The following LARGE1 variants were observed in gnomAD, a reference collection of about 807,000 sequenced individuals.
LARGE1 encodes the protein LARGE xylosyl- and glucuronyltransferase 1, also known as xylosyl- and glucuronyltransferase LARGE1.
LARGE1 carries 43 observed loss-of-function variants against 87.6 expected under a neutral mutation model. The observed-to-expected ratio is 0.49, with a 90% CI of 0.38 to 0.63. The LOEUF is 0.63. Among genes scored for constraint, LARGE1 ranks in the 30% least tolerant of loss-of-function variants. LARGE1 has a pLI of 0.00. For missense variants in LARGE1, 802 were observed against 1,000.2 expected (o/e 0.80, Z 2.67); for synonymous variants, 434 against 394.6 (o/e 1.10, Z -1.18).
intron 4 of LARGE1, among the ~76,000 whole-genome samples, chr22:33,611,806 T>C (rs979007057): frequency 7.2e-5 from 11 of 152,190 alleles, no homozygotes; most frequent in Non-Finnish European, 1.5e-5. Context: ...AGGTGGAGCC[T>C]GGTGGAAGAT....
chr22:33,488,382 A>C (rs908890117), intron 6 of LARGE1, among the ~76,000 whole-genome samples: 3 of 152,230 alleles, frequency 2.0e-5, no homozygotes, highest in African/African-American at 7.2e-5. Context: ...AGGAGAAATA[A>C]GAGAAAAGTG....
intron 6 of LARGE1, among the ~76,000 whole-genome samples, chr22:33,517,029 C>A (rs2071341960): frequency 6.6e-6 from 1 of 152,112 alleles, no homozygotes; most frequent in Admixed American, 6.5e-5. Context: ...TCTTTGTTAT[C>A]TACATTAAAA....
intron 14 of LARGE1, among the ~76,000 whole-genome samples, chr22:33,276,639 C>T (rs566981096): frequency 6.6e-6 from 1 of 152,314 alleles, no homozygotes; most frequent in Admixed American, 6.5e-5. Flanking sequence ...ATGATGGATG[C>T]ATCTATTAAT....
intron 11 of LARGE1, among the ~76,000 whole-genome samples, chr22:33,314,416 T>C (rs1569044868): frequency 6.6e-6 from 1 of 152,172 alleles, no homozygotes; most frequent in Admixed American, 6.5e-5. Context: ...TCATTCCACG[T>C]TGCCTCCAGC....
intron 1 of LARGE1, among the ~76,000 whole-genome samples, chr22:33,774,990 T>C (rs574286591): frequency 6.6e-6 from 1 of 152,186 alleles, no homozygotes; most frequent in South Asian, 2.1e-4. Flanking sequence ...CAGCAGGAGT[T>C]AGTGGCAGCA....
intron 1 of LARGE1, among the ~76,000 whole-genome samples, chr22:33,908,294 C>T (rs1021963384): frequency 7.9e-5 from 12 of 152,104 alleles, no homozygotes; most frequent in African/African-American, 1.7e-4. Context: ...CAGGTTACGG[C>T]GCAGAAAGTG....
At chr22:33,190,984 C>A (rs1923746189) in intron 11 of LARGE1, among the ~76,000 whole-genome samples, 1 of 152,166 alleles carries the variant, frequency 6.6e-6, no homozygotes, top group Admixed American at 6.5e-5. Context: ...TTATCACAGC[C>A]CTTAGCATTA....
At chr22:33,824,529 A>G (rs932784294) in intron 1 of LARGE1, among the ~76,000 whole-genome samples, 4 of 152,154 alleles carry the variant, frequency 2.6e-5, no homozygotes, top group African/African-American at 9.7e-5. Context: ...GGGGATTACA[A>G]TTTGACAAGA....
intron 2 of LARGE1, among the ~76,000 whole-genome samples, chr22:33,754,097 T>C (rs1414924877): frequency 6.6e-6 from 1 of 152,036 alleles, no homozygotes; most frequent in Admixed American, 6.6e-5. Flanking sequence ...GTCATCTTTG[T>C]AACCATCTCA....
intron 11 of LARGE1, among the ~76,000 whole-genome samples, chr22:33,243,870 A>G (rs1926632222): frequency 6.6e-6 from 1 of 152,222 alleles, no homozygotes; most frequent in African/African-American, 2.4e-5. Context: ...GGACTTACCC[A>G]TGGAGCCCAT....
intron 2 of LARGE1, among the ~76,000 whole-genome samples, chr22:33,716,283 A>C (rs2082905471): frequency 6.6e-6 from 1 of 152,244 alleles, no homozygotes; most frequent in Non-Finnish European, 1.5e-5. Context: ...ATACTAAAAA[A>C]ATTGGCCATT....
chr22:33,797,916 A>C (rs1278962905), intron 1 of LARGE1, among the ~76,000 whole-genome samples: 1 of 152,246 alleles, frequency 6.6e-6, no homozygotes, highest in Non-Finnish European at 1.5e-5. Flanking sequence ...CATAATCCTA[A>C]TGCACAGAGG....
At chr22:33,866,315 G>A (rs1389732591) in intron 1 of LARGE1, among the ~76,000 whole-genome samples, 1 of 152,188 alleles carries the variant, frequency 6.6e-6, no homozygotes, top group African/African-American at 2.4e-5. Flanking sequence ...CAGTATGGGA[G>A]TCACAACCCA....
chr22:33,837,914 C>T (rs1335292600), intron 1 of LARGE1, among the ~76,000 whole-genome samples: 3 of 152,194 alleles, frequency 2.0e-5, no homozygotes, highest in Admixed American at 6.5e-5. Flanking sequence ...GAACACGGGC[C>T]AGCAAAATTT....
chr22:33,432,595 T>TG (rs2067118741), intron 6 of LARGE1, among the ~76,000 whole-genome samples: 21 of 147,236 alleles, frequency 1.4e-4, no homozygotes, highest in South Asian at 8.8e-4. Context: ...ATTCATTCAT[T>TG]CATGCATGCA....
At chr22:33,069,178 T>C in the LARGE1 span, among the ~76,000 whole-genome samples, 2 of 152,110 alleles carry the variant, frequency 1.3e-5, no homozygotes, top group African/African-American at 4.8e-5. Context: ...GCAGAAGCCA[T>C]TTAGACGCCA....
chr22:33,652,792 T>C (rs2080858907), intron 2 of LARGE1, among the ~76,000 whole-genome samples: 1 of 152,192 alleles, frequency 6.6e-6, no homozygotes, highest in Non-Finnish European at 1.5e-5. Context: ...GGCTTTTTGA[T>C]GTATCTTTGG....
At chr22:33,178,429 A>G (rs985871158) in intron 11 of LARGE1, among the ~76,000 whole-genome samples, 1 of 152,170 alleles carries the variant, frequency 6.6e-6, no homozygotes, top group Non-Finnish European at 1.5e-5. Flanking sequence ...ATACTCATGA[A>G]GAAAGGCACT....
Position 33,227,930 on chromosome 22 carries a change from A to G in LARGE1, c.1731-61098T>C, listed in dbSNP as rs562800938. 1.9e-4 allele frequency among the ~76,000 whole-genome samples: 29 copies of G among 152,346 alleles called. 2 individuals are homozygous for G. In the South Asian group the frequency reaches 5.8e-3, roughly 30 times the overall value. On this transcript the variant is annotated intron_variant, in intron 11 of 11. Coordinates refer to the LARGE1 transcript ENST00000608642. The stretch of plus-strand genomic sequence containing the variant: ...ATTTGCTCATAGTCAGCAAGGATCT[A>G]TTTTAAATGCATTCTTCTTCCCCAA...
Sources: gnomAD v4.1 joint callset for allele counts (sites outside exome capture counted in the v4.1 genomes callset) on GRCh38, gnomAD v4.1.1 for gene constraint, MANE v1.5 for transcripts, NCBI Gene and HGNC (gene_info 2026-07-23, HGNC 2026-07-21) for gene names.